The following SAMD4B variants were observed in gnomAD, a reference collection of about 807,000 sequenced individuals.
SAMD4B encodes sterile alpha motif domain containing 4B.
SAMD4B carries 5 observed loss-of-function variants against 74.5 expected under a neutral mutation model. That is an observed-to-expected ratio of 0.07 (90% CI 0.04 to 0.14). The LOEUF is 0.14. SAMD4B is among the 10% of genes least tolerant of loss of function. SAMD4B has a pLI of 1.00. For missense variants in SAMD4B, 608 were observed against 921.8 expected (o/e 0.66, Z 4.41); for synonymous variants, 373 against 374.9 (o/e 1.00, Z 0.06).
In SAMD4B at chr19:39,380,071, C is replaced by T. The variant is rs1304044369; in HGVS notation, c.1636C>T (p.Arg546Trp). ...RKAALEMQNY[R>W]QQKGWAFGSN... is the part of the protein sequence containing the mutation. ...AGCCGCACTAGAGATGCAGAACTAC[C>T]GGCAGCAGAAAGGGTAGGCGGGTGG... Residue 546 changes from arginine to tryptophan, a missense_variant, in exon 10 of 14, where the codon CGG becomes TGG. Arg to Trp is a moderately radical substitution (Grantham distance 101). Coordinates refer to ENST00000610417, the MANE Select transcript of SAMD4B (RefSeq NM_001384574.2). 8.1e-6 allele frequency: 13 copies of T among 1,613,202 alleles called. No individual in the cohort carries two copies. Among genetic ancestry groups the T allele is most frequent in the Middle Eastern group, 1.6e-4 (1 of 6,070 alleles).
Position 39,378,645 on chromosome 19 carries a change from A to G in SAMD4B, c.1530+56A>G. ...GAAAGGCGGCCAGGCGTGGTGGTTC[A>G]CGCCTGTAGTCCCAGCACTTCGGCC... On this transcript the variant is annotated intron_variant, in intron 9 of 13. Coordinates refer to ENST00000610417, the MANE Select transcript of SAMD4B (RefSeq NM_001384574.2). The surrounding 1 kb of genome is among the most constrained non-coding windows in gnomAD (Gnocchi z 4.4). 6.7e-7 allele frequency: 1 copy of G among 1,494,284 alleles called. No homozygotes were observed. Among genetic ancestry groups the G allele is most frequent in the Non-Finnish European group, 9.3e-7 (1 of 1,074,442 alleles). The allele number at this position is 1,494,284 out of a possible 1,614,324, so 92.6% of individuals were successfully genotyped here.
intron 1 of SAMD4B, among the ~76,000 whole-genome samples, chr19:39,349,373 G>A (rs931542045): frequency 6.6e-6 from 1 of 152,114 alleles, no homozygotes; most frequent in Non-Finnish European, 1.5e-5. Flanking sequence ...ATTTAGGAGT[G>A]GGAGGAAGAA....
At chr19:39,385,915 T>TC, downstream of SAMD4B, 2 of 1,579,516 alleles carry the variant, frequency 1.3e-6, no homozygotes, top group Non-Finnish European at 1.7e-6. Flanking sequence ...AGTGAAAGGC[T>TC]CACAAACAGA....
At chr19:39,380,807 G>T in intron 11 of SAMD4B, 22 bp downstream of exon 11, 1 of 1,519,838 alleles carries the variant, frequency 6.6e-7, no homozygotes, top group East Asian at 2.3e-5. Context: ...GGAAGCAGGG[G>T]CCTGGCCTCC....
chr19:39,378,787 G>C lies in SAMD4B; in HGVS notation c.1530+198G>C, dbSNP rs894220745. On this transcript the variant is annotated intron_variant, in intron 9 of 13. Transcript: ENST00000610417. This position sits in a 1 kb window ranked among gnomAD's most constrained non-coding sequence, Gnocchi z 4.4. The stretch of plus-strand genomic sequence containing the variant: ...CCGGGCGTGGTGGCAGGTGCCTGCA[G>C]TCCCAGCTACGCGGGAGGCTGAGGC... Among the ~76,000 whole-genome samples, 1 of 152,266 alleles carries C rather than the reference G, an allele frequency of 6.6e-6. No homozygotes were observed. The highest frequency in any genetic ancestry group is 2.4e-5 in the African/African-American group (1 of 41,472).
intron 1 of SAMD4B, among the ~76,000 whole-genome samples, chr19:39,349,378 G>A (rs554403678): frequency 5.9e-5 from 9 of 152,234 alleles, no homozygotes; most frequent in African/African-American, 2.2e-4. Context: ...GGAGTGGGAG[G>A]AAGAATGCTA....
chr19:39,382,350 T>C (rs943422115), intron 12 of SAMD4B, among the ~76,000 whole-genome samples: 1 of 152,222 alleles, frequency 6.6e-6, no homozygotes, highest in Non-Finnish European at 1.5e-5. Flanking sequence ...CCTGCACTGA[T>C]TGACTCCTCC....
In SAMD4B at chr19:39,383,185, C is replaced by T. The variant is rs1439509305; in HGVS notation, c.1973-23C>T. The T allele has an allele frequency of 6.2e-7, 1 of 1,607,128 alleles. No individual in the cohort carries two copies. The highest frequency in any genetic ancestry group is 1.7e-5 in the Admixed American group (1 of 60,014). ...TGAGTCCAGTTGGTCCTTACCACCC[C>T]CATTCTCCTCTCTCCCACCCAGACT... On this transcript the variant is annotated intron_variant, in intron 12 of 13. Coordinates refer to ENST00000610417, the MANE Select transcript of SAMD4B (RefSeq NM_001384574.2). The surrounding 1 kb of genome is among the most constrained non-coding windows in gnomAD (Gnocchi z 4.1).
intron 12 of SAMD4B, among the ~76,000 whole-genome samples, chr19:39,381,780 A>G (rs1007619151): frequency 2.6e-5 from 4 of 152,178 alleles, no homozygotes; most frequent in African/African-American, 7.2e-5. Flanking sequence ...AAAAATACAG[A>G]AATTATCTGG....
At chr19:39,365,427 G>A (rs750035037) in intron 3 of SAMD4B, among the ~76,000 whole-genome samples, 18 of 151,872 alleles carry the variant, frequency 1.2e-4, no homozygotes, top group African/African-American at 4.1e-4. Flanking sequence ...GGTGGCGTGC[G>A]CCTGTAATCC....
At chr19:39,379,056 C>CTT (rs749806552) in intron 9 of SAMD4B, among the ~76,000 whole-genome samples, 1 of 140,478 alleles carries the variant, frequency 7.1e-6, no homozygotes, top group Non-Finnish European at 1.5e-5. Flanking sequence ...CTCTCTCTCT[C>CTT]TTTTTTTTTT....
chr19:39,343,168 C>T (rs1437671574), intron 1 of SAMD4B, among the ~76,000 whole-genome samples: 1 of 151,958 alleles, frequency 6.6e-6, no homozygotes, highest in Non-Finnish European at 1.5e-5. Flanking sequence ...GACCCCTGTC[C>T]ATTCCAGAAC....
At chr19:39,388,160 C>CTG (rs1283570997), downstream of SAMD4B, among the ~76,000 whole-genome samples, 2 of 152,024 alleles carry the variant, frequency 1.3e-5, no homozygotes, top group African/African-American at 4.8e-5. Context: ...GATTTTTTTT[C>CTG]TGGCTCCTCC....
downstream of SAMD4B, chr19:39,385,972 G>A (rs1246382393): frequency 1.2e-6 from 2 of 1,612,480 alleles, no homozygotes; most frequent in Admixed American, 1.7e-5. Context: ...GTCTGAACCA[G>A]CCCTGAATGC....
chr19:39,369,510 T>C, intron 3 of SAMD4B, 145 bp from the exon 4 acceptor site: 1 of 665,040 alleles, frequency 1.5e-6, no homozygotes, highest in Non-Finnish European at 2.6e-6. Context: ...CTCACCTATA[T>C]GAGGGATAAG....
In SAMD4B at chr19:39,378,678, C is replaced by T. The variant is rs546943789; in HGVS notation, c.1530+89C>T. ...AGTCCCAGCACTTCGGCCACCGAGG[C>T]GGGCGGATCATGAGGTCAGGAGATC... On this transcript the variant is annotated intron_variant, in intron 9 of 13. Transcript: ENST00000610417. The surrounding 1 kb of genome is among the most constrained non-coding windows in gnomAD (Gnocchi z 4.4). 18 of 1,082,786 alleles carry T rather than the reference C, an allele frequency of 1.7e-5. No homozygotes were observed. The Admixed American group carries it at 1.7e-4, about 10-fold the overall frequency. 67.1% of individuals were successfully genotyped at this position (1,082,786 alleles called of 1,614,324 possible).
downstream of SAMD4B, chr19:39,388,253 C>A: frequency 7.3e-7 from 1 of 1,364,766 alleles, no homozygotes; most frequent in African/African-American, 1.4e-5. Context: ...TTCTTAGGTA[C>A]AAATGACCTC....
chr19:39,373,484 G>A (rs1367894127), intron 4 of SAMD4B, among the ~76,000 whole-genome samples: 1 of 151,528 alleles, frequency 6.6e-6, no homozygotes, highest in Admixed American at 6.6e-5. Context: ...GCAAGCAAGA[G>A]GGAGGCTAGT....
intron 2 of SAMD4B, among the ~76,000 whole-genome samples, chr19:39,355,858 TGG>T: frequency 6.6e-6 from 1 of 152,194 alleles, no homozygotes; most frequent in Non-Finnish European, 1.5e-5. Context: ...TGAGACAAGC[TGG>T]CATCTCTGGA....
Sources: gnomAD v4.1 joint callset for allele counts (sites outside exome capture counted in the v4.1 genomes callset) on GRCh38, gnomAD v4.1.1 for gene constraint, Gnocchi (gnomAD v3.1) non-coding constraint, MANE v1.5 for transcripts, NCBI Gene and HGNC (gene_info 2026-07-23, HGNC 2026-07-21) for gene names.